TLN2: variants seen among roughly 807,000 people sequenced by gnomAD.
TLN2 encodes the protein talin 2, also known as talin-2.
In TLN2, 118 loss-of-function variants were observed where a neutral mutation model predicts 294.7. The ratio of observed to expected loss-of-function variants is 0.40; its 90% CI spans 0.34 to 0.47. The LOEUF (loss-of-function observed/expected upper bound fraction) is 0.47, where lower values mean the gene tolerates loss of function less well. Ranked by LOEUF, TLN2 falls within the 20% of genes least tolerant of loss-of-function variation. The pLI is 0.84. For synonymous variants in TLN2, 1,431 were observed against 1,304.5 expected, an observed-to-expected ratio of 1.10 and a Z score of -2.09; for missense variants, 3,083 against 3,282.2, an observed-to-expected ratio of 0.94 and a Z score of 1.48.
chr15:62,528,893 G>A (rs1052300380), intron 1 of TLN2, among the ~76,000 whole-genome samples: 2 of 152,060 alleles, frequency 1.3e-5, no homozygotes, highest in African/African-American at 2.4e-5. Context: ...CACCTTAGGC[G>A]TTTCATCTGT....
At chr15:62,816,694 C>T (rs2067143367) in intron 52 of TLN2, among the ~76,000 whole-genome samples, 2 of 152,136 alleles carry the variant, frequency 1.3e-5, no homozygotes, top group African/African-American at 4.8e-5. Context: ...AGTCTTTTGC[C>T]ATTAATTATG....
At chr15:62,763,434 G>T (rs2062800506) in intron 39 of TLN2, 129 bp from the exon 40 acceptor site, 2 of 1,276,262 alleles carry the variant, frequency 1.6e-6, no homozygotes, top group Non-Finnish European at 1.1e-6. Context: ...AGGGGTCAGG[G>T]ATTCCTCCTG....
intron 2 of TLN2, among the ~76,000 whole-genome samples, chr15:62,591,264 C>A (rs1017993120): frequency 6.6e-5 from 10 of 152,138 alleles, no homozygotes; most frequent in Non-Finnish European, 1.3e-4. Flanking sequence ...TCTCTGTAGT[C>A]CAGTGACTAG....
chr15:62,439,070 T>C (rs533394992), intron 1 of TLN2, among the ~76,000 whole-genome samples: 1 of 152,354 alleles, frequency 6.6e-6, no homozygotes, highest in African/African-American at 2.4e-5. Context: ...ATTATATGTT[T>C]ATGCATATGT....
intron 2 of TLN2, among the ~76,000 whole-genome samples, chr15:62,614,996 G>A (rs2048199459): frequency 6.6e-6 from 1 of 151,404 alleles, no homozygotes; most frequent in Non-Finnish European, 1.5e-5. Context: ...AGTAGAGATG[G>A]GGTTTCACCA....
At chr15:62,791,621 G>A (rs1232391524) in intron 45 of TLN2, among the ~76,000 whole-genome samples, 1 of 152,142 alleles carries the variant, frequency 6.6e-6, no homozygotes, top group African/African-American at 2.4e-5. Flanking sequence ...AATCTCCCAG[G>A]TTTTATTCAC....
At position 62,792,752 on chromosome 15, in the gene TLN2, G is replaced by A; in HGVS notation, c.5848G>A (p.Glu1950Lys). Residue 1950 changes from glutamate to lysine, a missense_variant, in exon 46 of 59, where the codon GAG becomes AAG. Coordinates refer to ENST00000636159, the MANE Select transcript of TLN2 (RefSeq NM_015059.3). ...CCCCACAGACAGCTACACCAAGAGG[G>A]AGCTGATCGAATGCGCCCGTGCCGT... The part of the protein sequence containing the change: ...VCPTDSYTKR[E>K]LIECARAVTE... The A allele has an allele frequency of 1.2e-6, 2 of 1,614,058 alleles. No individual in the cohort carries two copies. Among genetic ancestry groups the A allele is most frequent in the African/African-American group, 1.3e-5 (1 of 75,048 alleles).
chr15:62,393,607 C>T (rs1032142126), intron 1 of TLN2, among the ~76,000 whole-genome samples: 4 of 152,154 alleles, frequency 2.6e-5, no homozygotes, highest in Non-Finnish European at 5.9e-5. Flanking sequence ...TTTTTACCAA[C>T]TATGCTCAGA....
At chr15:62,667,268 CA>C (rs1267238290) in intron 9 of TLN2, among the ~76,000 whole-genome samples, 6 of 152,206 alleles carry the variant, frequency 3.9e-5, no homozygotes, top group Non-Finnish European at 8.8e-5. Context: ...GCCTGGCGAA[CA>C]CTGGCATTTC....
chr15:62,719,838 T>A lies in TLN2; in HGVS notation c.2949T>A (p.Ser983Arg). ...RGSQAQAEDLSAQLALIISSQ... is the reference protein window; with the variant it reads ...RGSQAQAEDLRAQLALIISSQ... ...GCCAAGCTCAAGCTGAAGACCTGAG[T>A]GCCCAGCTGGCTCTCATCATCTCCA... Residue 983 changes from serine to arginine, a missense_variant, in exon 25 of 59, where the codon AGT (serine) becomes AGA (arginine). Ser to Arg is a moderately radical substitution (Grantham distance 110). Transcript: ENST00000636159. 2.5e-6 allele frequency: 4 copies of A among 1,612,342 alleles called. No homozygotes were observed. Among genetic ancestry groups the A allele is most frequent in the Non-Finnish European group, 3.4e-6 (4 of 1,179,176 alleles).
At chr15:62,546,471 T>C (rs1361219862) in intron 1 of TLN2, among the ~76,000 whole-genome samples, 1 of 152,070 alleles carries the variant, frequency 6.6e-6, no homozygotes. Flanking sequence ...TCTTGCTCCA[T>C]AGTTGTGAAC....
At position 62,518,902 on chromosome 15, in the gene TLN2, A is replaced by G. The variant is rs931747801; in HGVS notation, c.-237-70785A>G. On this transcript the variant is annotated intron_variant, in intron 1 of 58. Coordinates refer to ENST00000636159, the MANE Select transcript of TLN2 (RefSeq NM_015059.3). ...AGTGAGCCATGGCGTCCGGCTTGCA[A>G]TGTCTTTTTTAGTGTGGATTAGTGG... Among the ~76,000 whole-genome samples the G allele has an allele frequency of 4.6e-5, 7 of 152,114 alleles. No individual in the cohort carries two copies. In the East Asian group the frequency reaches 9.6e-4, roughly 21 times the overall value.
At chr15:62,750,327 AGTTGGCAGTTGAT>A in intron 33 of TLN2, 62 bp from the exon 34 acceptor site, 1 of 1,179,262 alleles carries the variant, frequency 8.5e-7, no homozygotes, top group Non-Finnish European at 1.3e-6. Flanking sequence ...GAGAGTTGAT[AGTTGGCAGTTGAT>A]GTTGAATTTC....
chr15:62,663,520 G>A (rs1244992319), intron 9 of TLN2, among the ~76,000 whole-genome samples: 1 of 151,262 alleles, frequency 6.6e-6, no homozygotes, highest in Non-Finnish European at 1.5e-5. Context: ...TATCTACATA[G>A]ATAATCAGTC....
intron 9 of TLN2, among the ~76,000 whole-genome samples, chr15:62,659,402 T>G (rs2053579745): frequency 6.6e-6 from 1 of 152,216 alleles, no homozygotes; most frequent in South Asian, 2.1e-4. Flanking sequence ...AAACTGGGAT[T>G]ACAAGGTGCT....
intron 8 of TLN2, among the ~76,000 whole-genome samples, chr15:62,657,143 G>A (rs1306862741): frequency 1.6e-5 from 1 of 63,904 alleles, no homozygotes; most frequent in Non-Finnish European, 4.4e-5. Context: ...GAAAGGAAAG[G>A]CTGAAAAGGT....
Position 62,762,334 on chromosome 15 carries a change from C to T in TLN2, c.4842C>T (p.Tyr1614=), listed in dbSNP as rs377157528. ...SAKTMLESSS[Y]LIRTARSLAI... is the part of the protein sequence containing the mutation. ...AGACCATGCTGGAGAGTTCATCGTA[C>T]CTCATTCGCACTGCACGCTCTCTGG... is the stretch of plus-strand genomic sequence containing the variant. Residue 1614 remains tyrosine, a synonymous_variant, in exon 39 of 59, where the codon TAC becomes TAT. Coordinates refer to ENST00000636159, the MANE Select transcript of TLN2 (RefSeq NM_015059.3). The T allele has an allele frequency of 6.2e-7, 1 of 1,614,212 alleles. No individual in the cohort carries two copies. Among genetic ancestry groups the T allele is most frequent in the Non-Finnish European group, 8.5e-7 (1 of 1,180,040 alleles).
chr15:62,521,398 A>AC (rs1392300540), intron 1 of TLN2, among the ~76,000 whole-genome samples: 14 of 152,164 alleles, frequency 9.2e-5, no homozygotes, highest in Admixed American at 9.2e-4. Context: ...GATATGAGTG[A>AC]CCATGGCCTG....
At chr15:62,645,119 A>G (rs1232291196) in intron 3 of TLN2, 1 of 154,716 alleles carries the variant, frequency 6.5e-6, no homozygotes, top group Non-Finnish European at 1.4e-5. Flanking sequence ...CATCACAGCA[A>G]ATTAGTCCAT....
Sources: allele counts gnomAD v4.1 joint callset (sites outside exome capture counted in the v4.1 genomes callset), GRCh38; gene constraint gnomAD v4.1.1; transcripts MANE v1.5; gene names NCBI Gene and HGNC (gene_info 2026-07-23, HGNC 2026-07-21).